PCYT1B: variants seen among roughly 807,000 people sequenced by gnomAD.
PCYT1B encodes the protein phosphate cytidylyltransferase 1B, choline.
A neutral mutation model predicts 26.4 loss-of-function variants in PCYT1B; 10 were observed. That is an observed-to-expected ratio of 0.38 (90% confidence interval 0.23 to 0.64). The LOEUF (loss-of-function observed/expected upper bound fraction) is 0.64. Among genes scored for constraint, PCYT1B ranks in the 30% least tolerant of loss-of-function variants. The pLI is 0.56. For synonymous variants in PCYT1B, 131 were observed against 108.4 expected (o/e 1.21, Z -1.29); for missense variants, 161 against 292.7 (o/e 0.55, Z 3.28).
chrX:24,558,658 A>T lies in PCYT1B; in HGVS notation c.*3635T>A, dbSNP rs1602139033. ...CTAGTAGCCTAAGAGCAAAACTGAA[A>T]TCCCTAAGCTGTGTCTCTTCCACTC... On this transcript the variant is annotated 3_prime_UTR_variant, in exon 8 of 8. Transcript: ENST00000379144. 1.9e-5 allele frequency: 2 copies of T among 105,431 alleles called. No individual in the cohort carries two copies. Among genetic ancestry groups the T allele is most frequent in the East Asian group, 5.9e-4 (2 of 3,366 alleles). The allele number at this position is 105,431 out of a possible 1,213,427, so 8.7% of individuals were successfully genotyped here.
rs1412763205 is a variant in PCYT1B, at chrX:24,637,492, AT to A, written c.117+9496del. Among the ~76,000 whole-genome samples, 387 of 59,420 alleles carry A rather than the reference AT, an allele frequency of 6.5e-3. 27 individuals are homozygous for A. The highest frequency in any genetic ancestry group is 0.026 in the African/African-American group (241 of 9,290). 51.6% of individuals were successfully genotyped at this position (59,420 alleles called of 115,157 possible). ...CCCCATCTCTACTAAAAAAAAAAAA[AT>A]ATATATATATATATATATAAATTAG... is the stretch of plus-strand genomic sequence containing the variant. On this transcript the variant is annotated intron_variant, in intron 1 of 7. Coordinates refer to ENST00000379144, the MANE Select transcript of PCYT1B (RefSeq NM_004845.5).
intron 1 of PCYT1B, among the ~76,000 whole-genome samples, chrX:24,662,481 T>G (rs887686603): frequency 1.2e-4 from 13 of 111,574 alleles, no homozygotes; most frequent in African/African-American, 3.9e-4. Context: ...CCCGGCACCC[T>G]GATGACCTTG....
At chrX:24,659,575 C>T (rs777382556) in intron 1 of PCYT1B, among the ~76,000 whole-genome samples, 1 of 111,745 alleles carries the variant, frequency 8.9e-6, no homozygotes, top group East Asian at 2.8e-4. Flanking sequence ...CTGTTTTATG[C>T]TGCTATAACA....
rs191790853 is a variant in PCYT1B, at chrX:24,671,515, C to T, written c.63+1055G>A. Reference sequence around the variant, plus strand: ...GAAATGATCAATCAGTCATGTAGCTCAAGTGTCTGCTGGATATGAACCTAG... The same window carrying T: ...GAAATGATCAATCAGTCATGTAGCTTAAGTGTCTGCTGGATATGAACCTAG... On this transcript the variant is annotated intron_variant, in intron 1 of 7. Coordinates refer to the PCYT1B transcript ENST00000379145. Among the ~76,000 whole-genome samples, 145 of 111,295 alleles carry T rather than the reference C, an allele frequency of 1.3e-3. 1 individual carries two copies. The highest frequency in any genetic ancestry group is 4.6e-3 in the Middle Eastern group (1 of 217).
intron 2 of PCYT1B, among the ~76,000 whole-genome samples, chrX:24,613,366 T>G (rs1340437374): frequency 2.7e-5 from 3 of 112,242 alleles, no homozygotes; most frequent in Non-Finnish European, 5.6e-5. Flanking sequence ...AACTTTGTAG[T>G]TACCTTCTGC....
chrX:24,601,707 T>C (rs1432614246), intron 3 of PCYT1B, among the ~76,000 whole-genome samples: 1 of 111,522 alleles, frequency 9.0e-6, no homozygotes, highest in Non-Finnish European at 1.9e-5. Context: ...ATGTTCAATA[T>C]CATATGTCAC....
At chrX:24,617,636 C>T (rs956021084) in intron 2 of PCYT1B, among the ~76,000 whole-genome samples, 1 of 108,614 alleles carries the variant, frequency 9.2e-6, no homozygotes, top group Non-Finnish European at 1.9e-5. Context: ...TTAGTAGAGA[C>T]GGGATTTCAC....
rs749365810 is a variant in PCYT1B at position 24,647,276 on chromosome X, T to C, written c.-171A>G. On this transcript the variant is annotated 5_prime_UTR_variant, in exon 1 of 8. Coordinates refer to ENST00000379144, the MANE Select transcript of PCYT1B (RefSeq NM_004845.5). ...AAGTAAAGAGGTTACCCCCCGCCCC[T>C]CTCTCTCTCTCTCTCTCCCAGAAGC... 896 of 257,083 alleles carry C rather than the reference T, an allele frequency of 3.5e-3. 2 individuals carry two copies. Among genetic ancestry groups the C allele is most frequent in the African/African-American group, 0.026 (515 of 20,145 alleles). The allele number at this position is 257,083 out of a possible 1,213,427, so 21.2% of individuals were successfully genotyped here.
At chrX:24,567,603 T>A (rs12009599) in intron 7 of PCYT1B, among the ~76,000 whole-genome samples, 3,818 of 112,344 alleles carry the variant, frequency 0.034, 94 homozygotes, top group African/African-American at 0.083. Flanking sequence ...TATAGTCCTG[T>A]CCATACGAAA....
chrX:24,612,644 G>A (rs1433618102), intron 2 of PCYT1B, among the ~76,000 whole-genome samples: 4 of 112,258 alleles, frequency 3.6e-5, no homozygotes, highest in African/African-American at 1.3e-4. Flanking sequence ...GCCATACCAA[G>A]TGATGGTGAG....
At chrX:24,643,597 A>G (rs1199204626) in intron 1 of PCYT1B, among the ~76,000 whole-genome samples, 1 of 112,005 alleles carries the variant, frequency 8.9e-6, no homozygotes, top group Non-Finnish European at 1.9e-5. Flanking sequence ...ATTCTATTTA[A>G]TCGTCTCCTT....
At chrX:24,602,674 T>C (rs1317586678) in intron 3 of PCYT1B, among the ~76,000 whole-genome samples, 1 of 111,992 alleles carries the variant, frequency 8.9e-6, no homozygotes, top group Non-Finnish European at 1.9e-5. Flanking sequence ...TCTGTGAACC[T>C]AAAACTTCTC....
intron 1 of PCYT1B, among the ~76,000 whole-genome samples, chrX:24,627,963 G>A (rs1925932729): frequency 9.0e-6 from 1 of 111,615 alleles, no homozygotes; most frequent in Non-Finnish European, 1.9e-5. Context: ...GTCTAGGGGT[G>A]GGAGGGACAA....
At position 24,560,458 on chromosome X, in the gene PCYT1B, CTT is replaced by C. The variant is rs1229776878; in HGVS notation, c.*1833_*1834del. On this transcript the variant is annotated 3_prime_UTR_variant, in exon 8 of 8. Transcript: ENST00000379144. ...CTGAAGAGCAATATTCTGGGTGGCC[CTT>C]GACTGCAAAAAGAAGTTTTCTTCTT... 8.9e-6 allele frequency: 1 copy of C among 111,870 alleles called. No individual in the cohort carries two copies. The highest frequency in any genetic ancestry group is 3.3e-5 in the African/African-American group (1 of 30,656). 9.2% of individuals were successfully genotyped at this position (111,870 alleles called of 1,213,427 possible). A position where few individuals can be genotyped will look rare whatever the true frequency, so the allele number is the denominator to read the frequency against.
intron 1 of PCYT1B, among the ~76,000 whole-genome samples, chrX:24,660,227 G>GA (rs918657504): frequency 6.2e-5 from 7 of 112,067 alleles, no homozygotes; most frequent in African/African-American, 2.3e-4. Flanking sequence ...CTCTCAAATA[G>GA]AAAAAAAGGA....
intron 7 of PCYT1B, among the ~76,000 whole-genome samples, chrX:24,569,433 T>A (rs1168879148): frequency 8.9e-6 from 1 of 111,887 alleles, no homozygotes; most frequent in Non-Finnish European, 1.9e-5. Flanking sequence ...TGTCCAGCAA[T>A]TCTATTTCTC....
intron 1 of PCYT1B, among the ~76,000 whole-genome samples, chrX:24,630,386 C>A (rs959908804): frequency 9.0e-6 from 1 of 111,364 alleles, no homozygotes; most frequent in Non-Finnish European, 1.9e-5. Context: ...ACCTCCACCC[C>A]CTGAGTTCAC....
chrX:24,622,973 G>C (rs998129883), intron 1 of PCYT1B, among the ~76,000 whole-genome samples: 3 of 112,127 alleles, frequency 2.7e-5, no homozygotes, highest in African/African-American at 9.7e-5. Context: ...GTAGTTATTT[G>C]CAAGCCTCAG....
chrX:24,660,413 C>T (rs1927004538), intron 1 of PCYT1B, among the ~76,000 whole-genome samples: 1 of 112,369 alleles, frequency 8.9e-6, no homozygotes, highest in South Asian at 3.7e-4. Flanking sequence ...TATGGTGGCT[C>T]ACGCCTGTAA....
Sources: allele counts gnomAD v4.1 joint callset (sites outside exome capture counted in the v4.1 genomes callset), GRCh38; gene constraint gnomAD v4.1.1; transcripts MANE v1.5; gene names NCBI Gene and HGNC (gene_info 2026-07-23, HGNC 2026-07-21).